LDLRAD3: variants seen among roughly 807,000 people sequenced by gnomAD.
The protein encoded by LDLRAD3 is low density lipoprotein receptor class A domain containing 3, also known as low-density lipoprotein receptor class A domain-containing protein 3.
In LDLRAD3, 20 loss-of-function variants were observed where a neutral mutation model predicts 29.4. That is an observed-to-expected ratio of 0.68 (90% confidence interval 0.48 to 0.99). The LOEUF (loss-of-function observed/expected upper bound fraction) is 0.99. LDLRAD3 is among the 50% of genes least tolerant of loss of function. The pLI is 0.00. For synonymous variants in LDLRAD3, 157 were observed against 192.7 expected (o/e 0.81, Z 1.53); for missense variants, 420 against 454.3 (o/e 0.92, Z 0.69).
chr11:36,177,119 G>A (rs574735572), intron 4 of LDLRAD3, among the ~76,000 whole-genome samples: 1 of 151,956 alleles, frequency 6.6e-6, no homozygotes, highest in South Asian at 2.1e-4. Context: ...AAAATTTCCA[G>A]TTTATTTTGC....
chr11:35,957,795 C>CAAAAAAAAAA (rs1177748172), intron 1 of LDLRAD3, among the ~76,000 whole-genome samples: 14 of 79,106 alleles, frequency 1.8e-4, no homozygotes, highest in South Asian at 9.4e-4. Flanking sequence ...GACCTTATCT[C>CAAAAAAAAAA]AAAAAAAAAA....
At chr11:36,186,655 A>G (rs1297538888) in intron 4 of LDLRAD3, among the ~76,000 whole-genome samples, 1 of 152,196 alleles carries the variant, frequency 6.6e-6, no homozygotes. Context: ...AGATAGCACT[A>G]CCAGGCAGGT....
chr11:36,184,873 C>T (rs12786107), intron 4 of LDLRAD3, among the ~76,000 whole-genome samples: 7,323 of 152,174 alleles, frequency 0.048, 571 homozygotes, highest in African/African-American at 0.16. Context: ...CCACTTTGGC[C>T]CTGGATCTTG....
chr11:35,949,956 A>G (rs1448697123), intron 1 of LDLRAD3, among the ~76,000 whole-genome samples: 2 of 152,048 alleles, frequency 1.3e-5, no homozygotes, highest in African/African-American at 4.8e-5. Flanking sequence ...TGCAAATGTC[A>G]TTTTCTTTGT....
intron 4 of LDLRAD3, among the ~76,000 whole-genome samples, chr11:36,210,519 C>T (rs1855269754): frequency 2.0e-5 from 3 of 151,954 alleles, no homozygotes. Flanking sequence ...GAATCCTCCA[C>T]AGCCCGAGAC....
At chr11:36,165,042 A>T (rs921211534) in intron 4 of LDLRAD3, among the ~76,000 whole-genome samples, 3 of 152,234 alleles carry the variant, frequency 2.0e-5, no homozygotes, top group Admixed American at 6.5e-5. Flanking sequence ...TCCTGCTTCC[A>T]TAAATAATCA....
chr11:36,174,236 T>C (rs955401217), intron 4 of LDLRAD3, among the ~76,000 whole-genome samples: 1 of 152,196 alleles, frequency 6.6e-6, no homozygotes, highest in Non-Finnish European at 1.5e-5. Context: ...AAGACTTAAA[T>C]GTTAGACCTA....
chr11:36,111,760 C>T (rs577168254), intron 4 of LDLRAD3, among the ~76,000 whole-genome samples: 19 of 152,276 alleles, frequency 1.2e-4, no homozygotes, highest in African/African-American at 3.8e-4. Context: ...CCACCACACC[C>T]GGCTAATTTT....
At chr11:35,994,380 A>T (rs1450305162) in intron 1 of LDLRAD3, among the ~76,000 whole-genome samples, 1 of 148,580 alleles carries the variant, frequency 6.7e-6, no homozygotes, top group African/African-American at 2.5e-5. Flanking sequence ...TGTTTACACT[A>T]TATTGTAGTC....
At chr11:36,040,740 T>C (rs1281660573) in intron 2 of LDLRAD3, among the ~76,000 whole-genome samples, 1 of 152,200 alleles carries the variant, frequency 6.6e-6, no homozygotes, top group Non-Finnish European at 1.5e-5. Context: ...TTTCTGGCTC[T>C]TGACACCGAC....
At chr11:35,957,498 T>C (rs186600976) in intron 1 of LDLRAD3, among the ~76,000 whole-genome samples, 96 of 152,186 alleles carry the variant, frequency 6.3e-4, no homozygotes, top group Admixed American at 1.2e-3. Context: ...TAAAAACAGC[T>C]AGTAAAAAGT....
intron 3 of LDLRAD3, among the ~76,000 whole-genome samples, chr11:36,084,343 C>T (rs1029684847): frequency 2.6e-5 from 4 of 152,060 alleles, no homozygotes; most frequent in South Asian, 2.1e-4. Flanking sequence ...TGAAGCCGGG[C>T]GAGGTGGGGC....
chr11:36,041,921 A>C (rs262445), intron 2 of LDLRAD3, among the ~76,000 whole-genome samples: 3 of 152,094 alleles, frequency 2.0e-5, no homozygotes, highest in South Asian at 4.2e-4. Flanking sequence ...ACTTTGTTAA[A>C]TGATAAAATA....
At chr11:36,144,923 C>T (rs1357339614) in intron 4 of LDLRAD3, among the ~76,000 whole-genome samples, 3 of 108,352 alleles carry the variant, frequency 2.8e-5, no homozygotes, top group African/African-American at 1.0e-4. Flanking sequence ...CCGGCCGCCC[C>T]TACTGGGAAG....
At chr11:36,154,807 C>T (rs1034546013) in intron 4 of LDLRAD3, among the ~76,000 whole-genome samples, 1 of 152,184 alleles carries the variant, frequency 6.6e-6, no homozygotes, top group Admixed American at 6.5e-5. Context: ...TCATTTGAGA[C>T]AAAATTTTCC....
In LDLRAD3 at chr11:36,133,547, C is replaced by CTTTTTT. The variant is rs67935336; in HGVS notation, c.454+35099_454+35104dup. ...CCCAAGTCCGTTTTCTTTTTCTTTTCTTTTTTTTTTTTTTTTTTGAGACGG... is the reference window on the plus strand; with the variant it reads ...CCCAAGTCCGTTTTCTTTTTCTTTTCTTTTTTTTTTTTTTTTTTTTTTTTGAGACGG... On this transcript the variant is annotated intron_variant, in intron 4 of 5. Transcript: ENST00000315571. 2.8e-4 allele frequency among the ~76,000 whole-genome samples: 34 copies of CTTTTTT among 119,882 alleles called. 1 individual carries two copies. Among genetic ancestry groups the CTTTTTT allele is most frequent in the Non-Finnish European group, 3.7e-4 (22 of 59,194 alleles). The allele number at this position is 119,882 out of a possible 152,430, so 78.6% of individuals were successfully genotyped here.
At chr11:35,994,574 G>T (rs1389216635) in intron 1 of LDLRAD3, among the ~76,000 whole-genome samples, 1 of 152,076 alleles carries the variant, frequency 6.6e-6, no homozygotes, top group Non-Finnish European at 1.5e-5. Context: ...CTGAAGGTTG[G>T]GGTGGCTGTG....
At chr11:36,053,533 C>T (rs1852559697) in intron 2 of LDLRAD3, among the ~76,000 whole-genome samples, 1 of 152,088 alleles carries the variant, frequency 6.6e-6, no homozygotes, top group African/African-American at 2.4e-5. Flanking sequence ...CGCCACCTGT[C>T]CAAGAAATAA....
At chr11:35,969,589 C>A (rs1170545586) in intron 1 of LDLRAD3, among the ~76,000 whole-genome samples, 1 of 152,178 alleles carries the variant, frequency 6.6e-6, no homozygotes, top group African/African-American at 2.4e-5. Context: ...GCCTGGCTCT[C>A]CTGGGAAGCA....
Sources: gnomAD v4.1 joint callset for allele counts (sites outside exome capture counted in the v4.1 genomes callset) on GRCh38, gnomAD v4.1.1 for gene constraint, MANE v1.5 for transcripts, NCBI Gene and HGNC (gene_info 2026-07-23, HGNC 2026-07-21) for gene names.